Variants in CRISPLD2 observed in about 807,000 individuals in gnomAD.
CRISPLD2 encodes cysteine rich secretory protein LCCL domain containing 2, also known as cysteine-rich secretory protein LCCL domain-containing 2.
Under a neutral mutation model 71.1 loss-of-function variants are expected in CRISPLD2, and 47 were observed. The observed-to-expected ratio is 0.66, with a 90% CI of 0.52 to 0.84. The LOEUF (loss-of-function observed/expected upper bound fraction) is 0.84. Ranked by LOEUF, CRISPLD2 falls within the 40% of genes least tolerant of loss-of-function variation. CRISPLD2 has a pLI of 0.00. For synonymous variants in CRISPLD2, 317 were observed against 250.1 expected (o/e 1.27, Z -2.52); for missense variants, 830 against 651.1 (o/e 1.27, Z -2.99).
chr16:84,889,099 T>C, intron 13 of CRISPLD2, 131 bp from the exon 14 acceptor site: 1 of 1,076,308 alleles, frequency 9.3e-7, no homozygotes, highest in Admixed American at 2.0e-5. Context: ...TAGTGATGAT[T>C]ATTTCCTAAG....
At chr16:84,896,653 G>C (rs1414105425) in intron 14 of CRISPLD2, among the ~76,000 whole-genome samples, 2 of 152,170 alleles carry the variant, frequency 1.3e-5, no homozygotes, top group African/African-American at 4.8e-5. Context: ...CTGTGATGGA[G>C]GCGAGGTGTA....
At chr16:84,826,393 C>T (rs906885815) in intron 1 of CRISPLD2, among the ~76,000 whole-genome samples, 2 of 152,240 alleles carry the variant, frequency 1.3e-5, no homozygotes, top group Non-Finnish European at 2.9e-5. Flanking sequence ...GAGTCAGTGT[C>T]CTGAGGATGC....
chr16:84,882,410 C>CT (rs1433585657), intron 13 of CRISPLD2, among the ~76,000 whole-genome samples: 6 of 143,034 alleles, frequency 4.2e-5, no homozygotes, highest in Non-Finnish European at 6.1e-5. Flanking sequence ...TAGAAGGCTA[C>CT]TTTTTTTTCT....
At chr16:84,822,357 A>G (rs8057998) in intron 1 of CRISPLD2, among the ~76,000 whole-genome samples, 111,113 of 152,068 alleles carry the variant, frequency 0.73, 41,472 homozygotes, top group Middle Eastern at 0.79. Flanking sequence ...GCCCTTTGTA[A>G]GTTGCATTTG....
At chr16:84,903,479 C>A (rs192024800) in intron 14 of CRISPLD2, among the ~76,000 whole-genome samples, 4 of 151,996 alleles carry the variant, frequency 2.6e-5, no homozygotes, top group Non-Finnish European at 5.9e-5. Context: ...GTAATTCCAG[C>A]TAGTTGAGAG....
At chr16:84,856,142 G>A (rs1176347774) in intron 6 of CRISPLD2, among the ~76,000 whole-genome samples, 6 of 152,154 alleles carry the variant, frequency 3.9e-5, no homozygotes, top group Admixed American at 6.5e-5. Flanking sequence ...CTGGTGGAGT[G>A]ACCCAAACCT....
rs541126174 is a variant in CRISPLD2 at position 84,853,742 on chromosome 16, A to G, written c.609-987A>G. 3.9e-5 allele frequency among the ~76,000 whole-genome samples: 6 copies of G among 152,352 alleles called. No homozygotes were observed. The East Asian group carries it at 1.2e-3, about 29-fold the overall frequency. On this transcript the variant is annotated intron_variant, in intron 5 of 14. Coordinates refer to ENST00000262424, the MANE Select transcript of CRISPLD2 (RefSeq NM_031476.4). ...TGGATTTCCCCAACGCTCAGAGCAC[A>G]GCCTTCCCCGTGAGTCAGGTGCCGG...
At chr16:84,841,706 C>T (rs1282849502) in intron 2 of CRISPLD2, among the ~76,000 whole-genome samples, 1 of 152,138 alleles carries the variant, frequency 6.6e-6, no homozygotes, top group Non-Finnish European at 1.5e-5. Flanking sequence ...AGCGATTCTC[C>T]TGTCTCGGCC....
intron 5 of CRISPLD2, among the ~76,000 whole-genome samples, chr16:84,851,043 G>C (rs1917075720): frequency 6.6e-6 from 1 of 152,192 alleles, no homozygotes; most frequent in Admixed American, 6.6e-5. Flanking sequence ...TCATAGATGA[G>C]GGGGAAAAAG....
At chr16:84,850,993 G>A (rs1917074392) in intron 5 of CRISPLD2, among the ~76,000 whole-genome samples, 1 of 152,110 alleles carries the variant, frequency 6.6e-6, no homozygotes, top group Non-Finnish European at 1.5e-5. Flanking sequence ...TTGCACACTG[G>A]CATACTTTCT....
chr16:84,833,150 C>G (rs1311840024), intron 1 of CRISPLD2, among the ~76,000 whole-genome samples: 1 of 152,194 alleles, frequency 6.6e-6, no homozygotes, highest in African/African-American at 2.4e-5. Context: ...CAGCTGCCTC[C>G]CTGCTAGAGT....
intron 6 of CRISPLD2, among the ~76,000 whole-genome samples, chr16:84,862,184 G>A (rs1917402174): frequency 6.6e-6 from 1 of 151,954 alleles, no homozygotes; most frequent in Non-Finnish European, 1.5e-5. Flanking sequence ...GGAGCTGTTG[G>A]GGCGGTGCGA....
At chr16:84,899,804 T>G (rs1398699760) in intron 14 of CRISPLD2, among the ~76,000 whole-genome samples, 7 of 152,134 alleles carry the variant, frequency 4.6e-5, no homozygotes, top group Non-Finnish European at 1.0e-4. Context: ...CTTGGTTGTT[T>G]GGGGCCCTGA....
intron 1 of CRISPLD2, 52 bp from the exon 2 acceptor site, chr16:84,838,370 T>G: frequency 8.4e-7 from 1 of 1,195,084 alleles, no homozygotes; most frequent in Non-Finnish European, 1.2e-6. Context: ...GCCAGCGCTG[T>G]GACCGGCTCC....
Position 84,908,428 on chromosome 16 carries a change from C to G in CRISPLD2, c.*1786C>G, listed in dbSNP as rs1339957981. On this transcript the variant is annotated 3_prime_UTR_variant, in exon 15 of 15. Transcript: ENST00000262424. ...CTTCTGGGTGCTGGGTGCTCTGCTGCTGGACTTTTGTGGCTGTGTCTGTGT... is the reference window on the plus strand; with the variant it reads ...CTTCTGGGTGCTGGGTGCTCTGCTGGTGGACTTTTGTGGCTGTGTCTGTGT... 6.6e-6 allele frequency: 1 copy of G among 152,432 alleles called. No homozygotes were observed. Among genetic ancestry groups the G allele is most frequent in the Non-Finnish European group, 1.5e-5 (1 of 68,200 alleles). 9.4% of individuals were successfully genotyped at this position (152,432 alleles called of 1,614,324 possible). A position where few individuals can be genotyped will look rare whatever the true frequency, so the allele number is the denominator to read the frequency against.
At chr16:84,889,443 G>A in intron 14 of CRISPLD2, 80 bp downstream of exon 14, 1 of 1,423,290 alleles carries the variant, frequency 7.0e-7, no homozygotes, top group Non-Finnish European at 9.4e-7. Context: ...GAGGCCCAGA[G>A]TCATTACCCT....
At chr16:84,888,185 G>A (rs1016294357) in intron 13 of CRISPLD2, among the ~76,000 whole-genome samples, 3 of 152,146 alleles carry the variant, frequency 2.0e-5, no homozygotes, top group Admixed American at 6.5e-5. Flanking sequence ...TGCCTTTTCC[G>A]GCTTCTAGAG....
chr16:84,865,274 G>GC (rs1917504135), intron 6 of CRISPLD2, among the ~76,000 whole-genome samples: 1 of 151,694 alleles, frequency 6.6e-6, no homozygotes, highest in Non-Finnish European at 1.5e-5. Flanking sequence ...TTCTGCCTCA[G>GC]CCCCCCAAGT....
intron 6 of CRISPLD2, among the ~76,000 whole-genome samples, chr16:84,866,687 G>C (rs1917546417): frequency 6.6e-6 from 1 of 152,188 alleles, no homozygotes; most frequent in South Asian, 2.1e-4. Flanking sequence ...CAAACACAGT[G>C]AGCGGAGAGC....
Sources: allele counts gnomAD v4.1 joint callset (sites outside exome capture counted in the v4.1 genomes callset), GRCh38; gene constraint gnomAD v4.1.1; transcripts MANE v1.5; gene names NCBI Gene and HGNC (gene_info 2026-07-23, HGNC 2026-07-21).